PCDHGA8: variants seen among roughly 807,000 people sequenced by gnomAD.
The protein encoded by PCDHGA8 is protocadherin gamma-A8.
Under a neutral mutation model 59.2 loss-of-function variants are expected in PCDHGA8, and 45 were observed. The observed-to-expected ratio is 0.76, with a 90% CI of 0.60 to 0.98. The LOEUF (loss-of-function observed/expected upper bound fraction) is 0.98, where lower values mean the gene tolerates loss of function less well. Among genes scored for constraint, PCDHGA8 ranks in the 50% least tolerant of loss-of-function variants. PCDHGA8 has a pLI of 0.00. For synonymous variants in PCDHGA8, 531 were observed against 519.0 expected (o/e 1.02, Z -0.32); for missense variants, 1,257 against 1,196.2 (o/e 1.05, Z -0.75).
chr5:141,509,067 C>T (rs987332283), intron 3 of PCDHGA8, among the ~76,000 whole-genome samples: 1 of 152,132 alleles, frequency 6.6e-6, no homozygotes, highest in African/African-American at 2.4e-5. Flanking sequence ...CTCTCAGCTC[C>T]GGGGATTTGC....
chr5:141,479,521 T>A (rs4912607), intron 1 of PCDHGA8: 2 of 152,104 alleles, frequency 1.3e-5, no homozygotes, highest in Non-Finnish European at 2.9e-5. Context: ...CTGGCCCAGG[T>A]TGGAAGTGGA....
chr5:141,442,700 T>TC (rs1388243183), intron 1 of PCDHGA8, among the ~76,000 whole-genome samples: 5 of 152,198 alleles, frequency 3.3e-5, no homozygotes, highest in Non-Finnish European at 7.3e-5. Flanking sequence ...CAGACAAGAG[T>TC]ATCAGACATG....
intron 2 of PCDHGA8, among the ~76,000 whole-genome samples, chr5:141,500,148 G>A (rs936567158): frequency 6.6e-6 from 1 of 150,990 alleles, no homozygotes; most frequent in Non-Finnish European, 1.5e-5. Flanking sequence ...ACTTTTCTTT[G>A]TGTAATCAAA....
chr5:141,394,868 C>A lies in PCDHGA8; in HGVS notation c.2055C>A (p.Asn685Lys). 1 of 1,613,828 alleles carries A rather than the reference C, an allele frequency of 6.2e-7. No individual in the cohort carries two copies. The highest frequency in any genetic ancestry group is 8.5e-7 in the Non-Finnish European group (1 of 1,179,902). ...LGSLKPSVDPNDSSLTLYLVV... is the reference protein window; with the variant it reads ...LGSLKPSVDPKDSSLTLYLVV... The stretch of plus-strand genomic sequence containing the variant: ...GTCTGAAGCCTTCGGTCGACCCGAA[C>A]GATTCGAGCCTTACACTCTATCTCG... Residue 685 changes from asparagine (N) to lysine (K), a missense_variant, in exon 1 of 4, where the codon AAC (asparagine) becomes AAA (lysine). Coordinates refer to ENST00000398604, the MANE Select transcript of PCDHGA8 (RefSeq NM_032088.2).
intron 2 of PCDHGA8, among the ~76,000 whole-genome samples, chr5:141,499,283 G>T (rs1460838051): frequency 6.6e-6 from 1 of 152,066 alleles, no homozygotes; most frequent in Non-Finnish European, 1.5e-5. Context: ...TTCTCTGATG[G>T]CTCCACACTA....
chr5:141,394,313 C>G lies in PCDHGA8; in HGVS notation c.1500C>G (p.Pro500=). 1 of 1,614,022 alleles carries G rather than the reference C, an allele frequency of 6.2e-7. No individual in the cohort carries two copies. Among genetic ancestry groups the G allele is most frequent in the Non-Finnish European group, 8.5e-7 (1 of 1,179,900 alleles). The change falls in exon 1 of 4, where the codon CCC becomes CCG. Residue 500 remains proline, a synonymous_variant. Coordinates refer to ENST00000398604, the MANE Select transcript of PCDHGA8 (RefSeq NM_032088.2). ...CCGAGGACACGCTGCAGGGGGCGCC[C>G]CTGTCCTCGTATATCTCCATCAACT... ...SVTEDTLQGA[P]LSSYISINSD... is the part of the protein sequence containing the mutation.
In PCDHGA8 at chr5:141,502,866, CT is replaced by C. The variant is rs549047197; in HGVS notation, c.2484-2513del. Among the ~76,000 whole-genome samples the C allele has an allele frequency of 2.5e-3, 324 of 127,930 alleles. 1 individual carries two copies. Among genetic ancestry groups the C allele is most frequent in the Non-Finnish European group, 3.0e-3 (189 of 62,366 alleles). 83.9% of individuals were successfully genotyped at this position (127,930 alleles called of 152,430 possible). On this transcript the variant is annotated intron_variant, in intron 2 of 3. Transcript: ENST00000398604. ...GAGCTGCCTAACCCTGACTCTCTGT[CT>C]TTTTTTTTTTTTTGACAGGGAGTCT...
Position 141,485,096 on chromosome 5 carries a change from C to T in PCDHGA8, c.2425-9711C>T, listed in dbSNP as rs1166994104. On this transcript the variant is annotated intron_variant, in intron 1 of 3. Coordinates refer to ENST00000398604, the MANE Select transcript of PCDHGA8 (RefSeq NM_032088.2). This position sits in a 1 kb window ranked among gnomAD's most constrained non-coding sequence, Gnocchi z 5.7. The stretch of plus-strand genomic sequence containing the variant: ...CGCGGGGAAAGGGAGATAGGTGTCT[C>T]CAGCTGCTGTGGCTGTTTGGGGCGG... The T allele has an allele frequency of 1.8e-6, 2 of 1,125,566 alleles. No homozygotes were observed. The highest frequency in any genetic ancestry group is 3.1e-5 in the African/African-American group (2 of 64,908). 69.7% of individuals were successfully genotyped at this position (1,125,566 alleles called of 1,614,324 possible).
intron 1 of PCDHGA8, among the ~76,000 whole-genome samples, chr5:141,457,984 A>G (rs1210742359): frequency 2.0e-5 from 3 of 152,226 alleles, no homozygotes; most frequent in Non-Finnish European, 1.5e-5. Context: ...ACACCCTTTC[A>G]GTTAAAGCCT....
intron 1 of PCDHGA8, chr5:141,415,448 C>T (rs2095870056): frequency 6.2e-7 from 1 of 1,614,052 alleles, no homozygotes; most frequent in African/African-American, 1.3e-5. Flanking sequence ...CAGACCTATT[C>T]CCACGAGGTC....
intron 1 of PCDHGA8, chr5:141,408,923 G>C: frequency 6.2e-7 from 1 of 1,613,488 alleles, no homozygotes; most frequent in Non-Finnish European, 8.5e-7. Flanking sequence ...TAACCCCCCG[G>C]TTTTCAGCAG....
intron 1 of PCDHGA8, among the ~76,000 whole-genome samples, chr5:141,461,978 C>T (rs888687367): frequency 2.6e-5 from 4 of 152,216 alleles, no homozygotes; most frequent in African/African-American, 9.6e-5. Flanking sequence ...CATATGCCAC[C>T]ACGCCAGGCT....
Position 141,394,521 on chromosome 5 carries a change from G to A in PCDHGA8, c.1708G>A (p.Asp570Asn), listed in dbSNP as rs761808641. The change falls in exon 1 of 4, where the codon GAC (aspartate) becomes AAC (asparagine). Residue 570 changes from aspartate to asparagine, a missense_variant. Asp to Asn is a conservative substitution (Grantham distance 23). Coordinates refer to ENST00000398604, the MANE Select transcript of PCDHGA8 (RefSeq NM_032088.2). ...GATCCTGTACCCCGCCCTCCCCACA[G>A]ACGGTTCCACTGGCGTGGAGCTGGC... ...PEILYPALPTDGSTGVELAPR... is the reference protein window; with the variant it reads ...PEILYPALPTNGSTGVELAPR... The A allele has an allele frequency of 3.1e-6, 5 of 1,614,212 alleles. No individual in the cohort carries two copies. The highest frequency in any genetic ancestry group is 4.2e-6 in the Non-Finnish European group (5 of 1,180,044).
At chr5:141,494,564 G>A (rs2099755274) in intron 1 of PCDHGA8, among the ~76,000 whole-genome samples, 1 of 152,138 alleles carries the variant, frequency 6.6e-6, no homozygotes, top group Non-Finnish European at 1.5e-5. Context: ...TTTAGGAAAG[G>A]AGTCTCAGCT....
intron 1 of PCDHGA8, among the ~76,000 whole-genome samples, chr5:141,472,357 C>T (rs1020143523): frequency 2.4e-4 from 37 of 152,012 alleles, no homozygotes; most frequent in Non-Finnish European, 1.5e-4. Context: ...CTGGCTAACA[C>T]GGTGAAACCC....
Position 141,393,940 on chromosome 5 carries a change from C to T in PCDHGA8, c.1127C>T (p.Ser376Phe). The change falls in exon 1 of 4, where the codon TCT (serine) becomes TTT (phenylalanine). Residue 376 changes from serine to phenylalanine, a missense_variant. By Grantham distance (155) the Ser-to-Phe change is radical. Coordinates refer to ENST00000398604, the MANE Select transcript of PCDHGA8 (RefSeq NM_032088.2). Reference sequence around the variant, plus strand: ...TTCTTGAGTGTGCATGACCAAGACTCTGGAAAGAATGGTCAAGTTGTCTGT... The same window carrying T: ...TTCTTGAGTGTGCATGACCAAGACTTTGGAAAGAATGGTCAAGTTGTCTGT... Reference protein sequence around the residue: ...IAFLSVHDQDSGKNGQVVCYT... With the variant: ...IAFLSVHDQDFGKNGQVVCYT... The T allele has an allele frequency of 3.7e-6, 6 of 1,613,928 alleles. No homozygotes were observed. Among genetic ancestry groups the T allele is most frequent in the Non-Finnish European group, 5.1e-6 (6 of 1,179,866 alleles).
chr5:141,470,911 G>A (rs1208467445), intron 1 of PCDHGA8, among the ~76,000 whole-genome samples: 1 of 151,916 alleles, frequency 6.6e-6, no homozygotes, highest in Non-Finnish European at 1.5e-5. Context: ...AGATGGGACT[G>A]TCCCTATGTT....
In PCDHGA8 at chr5:141,505,598, C is replaced by T. The variant is rs532473064; in HGVS notation, c.2572+117C>T. The T allele has an allele frequency of 1.4e-3, 2,157 of 1,556,732 alleles. 3 individuals are homozygous for T. Among genetic ancestry groups the T allele is most frequent in the Non-Finnish European group, 1.8e-3 (2,025 of 1,148,246 alleles). ...ACCTGTGTAGTTTCTCCAGATCTTT[C>T]GGCAGGTCTGAAAGGACCCACAATT... On this transcript the variant is annotated intron_variant, in intron 3 of 3. Coordinates refer to ENST00000398604, the MANE Select transcript of PCDHGA8 (RefSeq NM_032088.2).
chr5:141,445,224 G>A (rs1016307216), intron 1 of PCDHGA8, among the ~76,000 whole-genome samples: 6 of 152,194 alleles, frequency 3.9e-5, no homozygotes, highest in Admixed American at 2.0e-4. Context: ...GAGGTGCAAA[G>A]TGCTCTATTC....
Sources: gnomAD v4.1 joint callset for allele counts (sites outside exome capture counted in the v4.1 genomes callset) on GRCh38, gnomAD v4.1.1 for gene constraint, Gnocchi (gnomAD v3.1) non-coding constraint, MANE v1.5 for transcripts, NCBI Gene and HGNC (gene_info 2026-07-23, HGNC 2026-07-21) for gene names.